The following RPP38 variants were observed in gnomAD, a reference collection of about 807,000 sequenced individuals.
The protein encoded by RPP38 is ribonuclease P/MRP subunit p38.
A neutral mutation model predicts 1.7 loss-of-function variants in RPP38; 2 were observed. The observed-to-expected ratio is 1.18, with a 90% CI of 0.48 to 3.70. RPP38 has a LOEUF of 3.70. Ranked by LOEUF, RPP38 falls within the 30% of genes most tolerant of loss-of-function variation. RPP38 has a pLI of 0.07. For synonymous variants in RPP38, 151 were observed against 131.8 expected (o/e 1.15, Z -1.00); for missense variants, 358 against 340.1 (o/e 1.05, Z -0.41).
In RPP38 at chr10:15,104,068, G is replaced by A. The variant is rs1482404152; in HGVS notation, c.754G>A (p.Ala252Thr). 3 of 1,613,872 alleles carry A rather than the reference G, an allele frequency of 1.9e-6. No individual in the cohort carries two copies. Among genetic ancestry groups the A allele is most frequent in the East Asian group, 4.5e-5 (2 of 44,890 alleles). The change falls in exon 3 of 3, where the codon GCT becomes ACT. Residue 252 changes from alanine (A) to threonine (T), a missense_variant. Ala to Thr is a moderately conservative substitution (Grantham distance 58, BLOSUM62 0). Transcript: ENST00000378197. ...PKRKLADGRQ[A>T]SVTLQPLKIK... is the part of the protein sequence containing the mutation. ...GAGAAAGCTTGCTGACGGTCGGCAG[G>A]CTTCTGTAACATTACAACCCCTTAA...
At chr10:15,100,764 T>G (rs976567864) in intron 1 of RPP38, among the ~76,000 whole-genome samples, 6 of 151,674 alleles carry the variant, frequency 4.0e-5, no homozygotes, top group African/African-American at 1.5e-4. Context: ...CACTACAACC[T>G]CCGTCTCCTG....
In RPP38 at chr10:15,103,684, C is replaced by G. The variant is rs749198267; in HGVS notation, c.370C>G (p.Leu124Val). 1.2e-6 allele frequency: 2 copies of G among 1,614,016 alleles called. No homozygotes were observed. Among genetic ancestry groups the G allele is most frequent in the South Asian group, 1.1e-5 (1 of 91,072 alleles). ...TGGCGTTAACGAAGTTACCAGAGCC[C>G]TGGAAAGGAGGGAACTGCTGTTAGT... ...AIGVNEVTRA[L>V]ERRELLLVLV... Residue 124 changes from leucine (L) to valine (V), a missense_variant, in exon 3 of 3, where the codon CTG becomes GTG. Physicochemically the swap from Leu to Val is conservative, Grantham distance 32. Coordinates refer to ENST00000378197, the MANE Select transcript of RPP38 (RefSeq NM_183005.5).
rs767888248 is a variant in RPP38, at chr10:15,103,824, C to T, written c.510C>T (p.Pro170=). 40 of 1,613,992 alleles carry T rather than the reference C, an allele frequency of 2.5e-5. No individual in the cohort carries two copies. In the Middle Eastern group the frequency reaches 1.3e-3, roughly 53 times the overall value. ...QVPRLSERIA[P]VIGLKCVLAL... is the part of the protein sequence containing the mutation. ...CCCGGCTCAGTGAGAGAATCGCCCC[C>T]GTCATTGGCTTAAAATGTGTTCTAG... is the stretch of plus-strand genomic sequence containing the variant. Residue 170 remains proline, a synonymous_variant, in exon 3 of 3, where the codon CCC becomes CCT. Coordinates refer to ENST00000378197, the MANE Select transcript of RPP38 (RefSeq NM_183005.5).
chr10:15,097,976 C>T (rs2131413274), intron 1 of RPP38, among the ~76,000 whole-genome samples: 1 of 152,272 alleles, frequency 6.6e-6, no homozygotes, highest in South Asian at 2.1e-4. Context: ...GTCTCTAGTG[C>T]AGGCCACCGT....
rs549183038 is a variant in RPP38 at position 15,101,832 on chromosome 10, A to G, written c.-129-386A>G. On this transcript the variant is annotated intron_variant, in intron 1 of 2. Transcript: ENST00000378197. ...TTGAATCTGGGAGGCAGAGGTTGCA[A>G]TAAGCTGAGATCATGCCATTGCACT... Among the ~76,000 whole-genome samples, 26 of 152,226 alleles carry G rather than the reference A, an allele frequency of 1.7e-4. No individual in the cohort carries two copies. The South Asian group carries it at 3.1e-3, about 18-fold the overall frequency.
chr10:15,101,997 A>G (rs1845121923), intron 1 of RPP38, among the ~76,000 whole-genome samples: 2 of 152,082 alleles, frequency 1.3e-5, no homozygotes. Context: ...ACAAAAGTGG[A>G]CGTGACAGTG....
chr10:15,100,879 C>T (rs1845090839), intron 1 of RPP38, among the ~76,000 whole-genome samples: 3 of 152,120 alleles, frequency 2.0e-5, no homozygotes, highest in South Asian at 2.1e-4. Context: ...GACGGGATTT[C>T]GCCATATTGG....
Position 15,103,465 on chromosome 10 carries a change from A to G in RPP38, c.151A>G (p.Arg51Gly), listed in dbSNP as rs143960260. Residue 51 changes from arginine to glycine, a missense_variant, in exon 3 of 3, where the codon AGG becomes GGG. Transcript: ENST00000378197. ...MHFILQTLED[R>G]LKAIGLQKIE... ...CTTCATCCTACAGACGCTTGAGGAC[A>G]GGCTTAAAGCTATTGGACTTCAGAA... 169 of 1,614,082 alleles carry G rather than the reference A, an allele frequency of 1.0e-4. No individual in the cohort carries two copies. Among genetic ancestry groups the G allele is most frequent in the Middle Eastern group, 1.6e-4 (1 of 6,084 alleles).
chr10:15,104,201 AAAGG>A lies in RPP38; in HGVS notation c.*37_*40del. On this transcript the variant is annotated 3_prime_UTR_variant, in exon 3 of 3. Coordinates refer to ENST00000378197, the MANE Select transcript of RPP38 (RefSeq NM_183005.5). ...AACTTGTCATGTCATACAGTTTGTGAAAGGACACCTTGTAAAGAAGCCTTGAAAC... is the reference window on the plus strand; with the variant it reads ...AACTTGTCATGTCATACAGTTTGTGAACACCTTGTAAAGAAGCCTTGAAAC... 1 of 1,532,112 alleles carries A rather than the reference AAAGG, an allele frequency of 6.5e-7. No homozygotes were observed. 94.9% of individuals were successfully genotyped at this position (1,532,112 alleles called of 1,614,324 possible). A position where few individuals can be genotyped will look rare whatever the true frequency, so the allele number is the denominator to read the frequency against.
chr10:15,097,952 G>A (rs1589268314), intron 1 of RPP38, among the ~76,000 whole-genome samples, 186 bp downstream of exon 1: 1 of 152,206 alleles, frequency 6.6e-6, no homozygotes, highest in East Asian at 1.9e-4. Context: ...TTTTTCTCCA[G>A]TCCTTTCTGC....
intron 1 of RPP38, among the ~76,000 whole-genome samples, chr10:15,098,103 A>G (rs1844995430): frequency 6.6e-6 from 1 of 152,084 alleles, no homozygotes; most frequent in African/African-American, 2.4e-5. Context: ...TTTAGATGTT[A>G]AAGTTGCTTC....
intron 2 of RPP38, 184 bp downstream of exon 2, chr10:15,102,520 A>G (rs1246796139): frequency 6.6e-6 from 1 of 152,202 alleles, no homozygotes; most frequent in Non-Finnish European, 1.5e-5. Flanking sequence ...TGGAAGCCCA[A>G]CTAGATAGCA....
intron 1 of RPP38, among the ~76,000 whole-genome samples, chr10:15,100,790 C>T (rs2131423216): frequency 6.6e-6 from 1 of 152,174 alleles, no homozygotes; most frequent in South Asian, 2.1e-4. Context: ...AAGAGATTCT[C>T]CTGCCTCAGC....
intron 2 of RPP38, chr10:15,103,053 T>A: frequency 4.3e-6 from 1 of 234,382 alleles, no homozygotes; most frequent in Non-Finnish European, 8.3e-6. Flanking sequence ...TTAGCTGGGC[T>A]TGGTGGCGGG....
At chr10:15,099,306 G>A (rs912621609) in intron 1 of RPP38, among the ~76,000 whole-genome samples, 3 of 152,046 alleles carry the variant, frequency 2.0e-5, no homozygotes, top group Non-Finnish European at 4.4e-5. Flanking sequence ...GTGGGAGATT[G>A]AGCTGGAGTG....
rs1183243196 is a variant in RPP38 at position 15,103,946 on chromosome 10, G to T, written c.632G>T (p.Arg211Ile). ...TTAAGTGTACCATGGCTTCAAGACA[G>T]AATTGAAGATTCTGGGGAAAATTTA... The part of the protein sequence containing the change: ...PSLSVPWLQD[R>I]IEDSGENLET... The change falls in exon 3 of 3, where the codon AGA becomes ATA. Residue 211 changes from arginine (R) to isoleucine (I), a missense_variant. By Grantham distance (97) the Arg-to-Ile change is moderately conservative. Coordinates refer to ENST00000378197, the MANE Select transcript of RPP38 (RefSeq NM_183005.5). 6.2e-7 allele frequency: 1 copy of T among 1,614,042 alleles called. No homozygotes were observed. The highest frequency in any genetic ancestry group is 8.5e-7 in the Non-Finnish European group (1 of 1,180,044).
rs1473856629 is a variant in RPP38, at chr10:15,097,651, C to A, written c.-245C>A. The A allele has an allele frequency of 2.6e-5, 4 of 152,332 alleles. No individual in the cohort carries two copies. Among genetic ancestry groups the A allele is most frequent in the African/African-American group, 9.6e-5 (4 of 41,488 alleles). The allele number at this position is 152,332 out of a possible 1,614,324, so 9.4% of individuals were successfully genotyped here. A position where few individuals can be genotyped will look rare whatever the true frequency, so the allele number is the denominator to read the frequency against. ...CTCCTCTGCTGGATTGCAGCGCCGGCTGGGCACCAGGAGTACAAAGCGAAA... is the reference window on the plus strand; with the variant it reads ...CTCCTCTGCTGGATTGCAGCGCCGGATGGGCACCAGGAGTACAAAGCGAAA... On this transcript the variant is annotated 5_prime_UTR_variant, in exon 1 of 3. The change creates a new upstream start codon in the 5' untranslated region. Transcript: ENST00000378197.
rs949619203 is a variant in RPP38, at chr10:15,099,651, G to A, written c.-130+1885G>A. On this transcript the variant is annotated intron_variant, in intron 1 of 2. Transcript: ENST00000378197. ...GCACCAGCACTCCTGGCTAATTTTTGTATTTTTAGTAGAGACTGGGTTTCA... is the reference window on the plus strand; with the variant it reads ...GCACCAGCACTCCTGGCTAATTTTTATATTTTTAGTAGAGACTGGGTTTCA... Among the ~76,000 whole-genome samples the A allele has an allele frequency of 4.6e-5, 7 of 151,986 alleles. No homozygotes were observed. In the East Asian group the frequency reaches 1.2e-3, roughly 25 times the overall value.
At chr10:15,100,606 G>A (rs923665504) in intron 1 of RPP38, among the ~76,000 whole-genome samples, 1 of 151,966 alleles carries the variant, frequency 6.6e-6, no homozygotes, top group Non-Finnish European at 1.5e-5. Context: ...GCCCTTTCTC[G>A]GGGCTGTCCA....
Sources: gnomAD v4.1 joint callset for allele counts (sites outside exome capture counted in the v4.1 genomes callset) on GRCh38, gnomAD v4.1.1 for gene constraint, MANE v1.5 for transcripts, NCBI Gene and HGNC (gene_info 2026-07-23, HGNC 2026-07-21) for gene names.